Variants in KCNMB2 observed in about 807,000 individuals in gnomAD.
KCNMB2 encodes calcium-activated potassium channel subunit beta-2.
KCNMB2 carries 9 observed loss-of-function variants against 24.5 expected under a neutral mutation model. That is an observed-to-expected ratio of 0.37 (90% CI 0.22 to 0.64). KCNMB2 has a LOEUF of 0.64. Among genes scored for constraint, KCNMB2 ranks in the 30% least tolerant of loss-of-function variants. The probability of loss-of-function intolerance (pLI) is 0.63; values close to 1 mark genes in which losing one functional copy is unlikely to be tolerated. For missense variants in KCNMB2, 226 were observed against 284.3 expected (o/e 0.79, Z 1.47); for synonymous variants, 109 against 104.4 (o/e 1.04, Z -0.27).
intron 1 of KCNMB2, among the ~76,000 whole-genome samples, chr3:178,673,253 C>T (rs1299414965): frequency 6.6e-6 from 1 of 152,088 alleles, no homozygotes; most frequent in Admixed American, 6.6e-5. Flanking sequence ...CACAAGCATA[C>T]GACAATGGAA....
chr3:178,601,548 C>T (rs941512603), intron 1 of KCNMB2, among the ~76,000 whole-genome samples: 35 of 152,132 alleles, frequency 2.3e-4, no homozygotes, highest in African/African-American at 8.4e-4. Context: ...TCAGAAAGAA[C>T]ACTTCTACAA....
intron 1 of KCNMB2, among the ~76,000 whole-genome samples, chr3:178,681,240 G>T (rs1007507580): frequency 6.8e-6 from 1 of 147,570 alleles, no homozygotes; most frequent in African/African-American, 2.6e-5. Flanking sequence ...CTGAAACCTG[G>T]AGCTGCAGTT....
At chr3:178,713,413 G>A (rs1469416075) in intron 1 of KCNMB2, among the ~76,000 whole-genome samples, 1 of 152,178 alleles carries the variant, frequency 6.6e-6, no homozygotes, top group South Asian at 2.1e-4. Flanking sequence ...GAAAAATAAT[G>A]TTGTAGCTGC....
At chr3:178,734,524 A>G (rs1385432944) in intron 1 of KCNMB2, among the ~76,000 whole-genome samples, 1 of 152,216 alleles carries the variant, frequency 6.6e-6, no homozygotes, top group Non-Finnish European at 1.5e-5. Context: ...TGTAGAAAAA[A>G]TTAGCTGCAC....
Position 178,802,221 on chromosome 3 carries a change from T to G in KCNMB2, c.-67-5122T>G, listed in dbSNP as rs891177877. Among the ~76,000 whole-genome samples the G allele has an allele frequency of 2.0e-5, 3 of 152,178 alleles. No homozygotes were observed. In the South Asian group the frequency reaches 6.2e-4, roughly 32 times the overall value. On this transcript the variant is annotated intron_variant, in intron 1 of 4. Coordinates refer to ENST00000452583, the MANE Select transcript of KCNMB2 (RefSeq NM_181361.3). ...AACATAAGAAGCAACCCTAAATTTC[T>G]GTGCTTAGAGTGACCTTTTGAGTTG...
At chr3:178,592,155 T>C (rs142146596) in intron 1 of KCNMB2, among the ~76,000 whole-genome samples, 5 of 152,292 alleles carry the variant, frequency 3.3e-5, no homozygotes, top group African/African-American at 1.2e-4. Context: ...TGGCAATATT[T>C]ATGGATGGTC....
chr3:178,727,294 A>T, intron 1 of KCNMB2, among the ~76,000 whole-genome samples: 1 of 152,026 alleles, frequency 6.6e-6, no homozygotes, highest in East Asian at 1.9e-4. Flanking sequence ...GAATAATTTT[A>T]GTTTCGCCTT....
At chr3:178,622,708 T>C (rs571368624) in intron 1 of KCNMB2, among the ~76,000 whole-genome samples, 27 of 152,210 alleles carry the variant, frequency 1.8e-4, no homozygotes, top group Non-Finnish European at 2.5e-4. Flanking sequence ...CTTTGTTAAG[T>C]AGCCTCCCCC....
At chr3:178,713,130 G>A (rs1440086043) in intron 1 of KCNMB2, among the ~76,000 whole-genome samples, 1 of 152,190 alleles carries the variant, frequency 6.6e-6, no homozygotes, top group Admixed American at 6.5e-5. Context: ...CATAAAATAA[G>A]GTTAAAACTG....
In KCNMB2 at chr3:178,740,422, C is replaced by T. The variant is rs147004991; in HGVS notation, c.-67-66921C>T. On this transcript the variant is annotated intron_variant, in intron 1 of 4. Coordinates refer to ENST00000452583, the MANE Select transcript of KCNMB2 (RefSeq NM_181361.3). ...GGCATTAGCCACCACGCCTGGCCCC[C>T]GTAAACATTTTTTATTATAGATATT... 6.8e-4 allele frequency among the ~76,000 whole-genome samples: 103 copies of T among 152,150 alleles called. No individual in the cohort carries two copies. The East Asian group carries it at 0.018, about 27-fold the overall frequency.
intron 1 of KCNMB2, among the ~76,000 whole-genome samples, chr3:178,781,340 C>T (rs563684695): frequency 9.2e-4 from 140 of 151,958 alleles, no homozygotes; most frequent in African/African-American, 3.3e-3. Context: ...GCCTGTAATC[C>T]CAGCACTTTG....
intron 1 of KCNMB2, among the ~76,000 whole-genome samples, chr3:178,555,430 G>C (rs895828153): frequency 5.3e-5 from 8 of 152,130 alleles, no homozygotes; most frequent in African/African-American, 1.7e-4. Context: ...TTAATGTTTT[G>C]AGCATCAGTT....
chr3:178,783,172 C>T (rs1281318133), intron 1 of KCNMB2, among the ~76,000 whole-genome samples: 1 of 152,110 alleles, frequency 6.6e-6, no homozygotes, highest in South Asian at 2.1e-4. Context: ...GGTACCAGTA[C>T]CATGCTGTTT....
At chr3:178,542,645 T>C (rs188299890) in intron 1 of KCNMB2, among the ~76,000 whole-genome samples, 61 of 152,306 alleles carry the variant, frequency 4.0e-4, no homozygotes, top group Admixed American at 7.2e-4. Flanking sequence ...GTTAGGAGAA[T>C]TTTTTTAAAG....
At chr3:178,608,226 C>T (rs989513467) in intron 1 of KCNMB2, among the ~76,000 whole-genome samples, 1 of 152,142 alleles carries the variant, frequency 6.6e-6, no homozygotes, top group Admixed American at 6.5e-5. Flanking sequence ...GGAAAGTAAA[C>T]AAGGATGCAA....
At chr3:178,640,402 C>T (rs1270566291) in intron 1 of KCNMB2, among the ~76,000 whole-genome samples, 1 of 152,082 alleles carries the variant, frequency 6.6e-6, no homozygotes, top group Non-Finnish European at 1.5e-5. Context: ...GTGCTACACA[C>T]TTTTAAACAA....
intron 1 of KCNMB2, among the ~76,000 whole-genome samples, chr3:178,705,653 A>T (rs942805945): frequency 1.3e-5 from 2 of 152,192 alleles, no homozygotes; most frequent in Non-Finnish European, 2.9e-5. Context: ...GGAAAAACTT[A>T]AAAAAAGAAT....
At chr3:178,841,530 G>C (rs1322637870) in intron 4 of KCNMB2, 2 of 152,188 alleles carry the variant, frequency 1.3e-5, no homozygotes, top group African/African-American at 4.8e-5. Context: ...AATGAAAAAG[G>C]TTTAATTAAC....
intron 1 of KCNMB2, among the ~76,000 whole-genome samples, chr3:178,781,423 C>T (rs1045757775): frequency 9.2e-5 from 14 of 151,820 alleles, no homozygotes; most frequent in African/African-American, 2.9e-4. Flanking sequence ...GAAACCCCGT[C>T]TCTACTAAAA....
Sources: gnomAD v4.1 joint callset for allele counts (sites outside exome capture counted in the v4.1 genomes callset) on GRCh38, gnomAD v4.1.1 for gene constraint, MANE v1.5 for transcripts, NCBI Gene and HGNC (gene_info 2026-07-23, HGNC 2026-07-21) for gene names.